LARP4B: variants seen among roughly 807,000 people sequenced by gnomAD.
LARP4B encodes La ribonucleoprotein 4B, also known as la-related protein 4B.
Under a neutral mutation model 89.8 loss-of-function variants are expected in LARP4B, and 12 were observed. The ratio of observed to expected loss-of-function variants is 0.13; its 90% CI spans 0.09 to 0.22. The LOEUF (loss-of-function observed/expected upper bound fraction) is 0.22, where lower values mean the gene tolerates loss of function less well. Ranked by LOEUF, LARP4B falls within the 10% of genes least tolerant of loss-of-function variation. LARP4B has a pLI of 1.00. For synonymous variants in LARP4B, 367 were observed against 363.3 expected, an observed-to-expected ratio of 1.01 and a Z score of -0.12; for missense variants, 757 against 947.7, an observed-to-expected ratio of 0.80 and a Z score of 2.64.
At chr10:860,833 C>T (rs1433019653) in intron 5 of LARP4B, among the ~76,000 whole-genome samples, 4 of 151,904 alleles carry the variant, frequency 2.6e-5, no homozygotes, top group South Asian at 4.2e-4. Context: ...AAAAAATCTA[C>T]GAAACGCAAA....
chr10:872,314 C>T (rs1377076285), intron 3 of LARP4B, among the ~76,000 whole-genome samples: 1 of 152,202 alleles, frequency 6.6e-6, no homozygotes, highest in African/African-American at 2.4e-5. Flanking sequence ...TGTCCCAAGG[C>T]GAGAGTTCTT....
chr10:878,330 A>C (rs1231153306), intron 3 of LARP4B, among the ~76,000 whole-genome samples: 1 of 152,210 alleles, frequency 6.6e-6, no homozygotes, highest in African/African-American at 2.4e-5. Flanking sequence ...ACCAGTGAGG[A>C]GTGACTGCAG....
rs566661836 is a variant in LARP4B, at chr10:861,703, C to T, written c.430+2040G>A. On this transcript the variant is annotated intron_variant, in intron 5 of 17. Transcript: ENST00000316157. The stretch of plus-strand genomic sequence containing the variant: ...TCAGGCAGATTTTCACAAGTTATTT[C>T]ACTGTTGATAACATTACCCATCTTC... Among the ~76,000 whole-genome samples the T allele has an allele frequency of 2.0e-5, 3 of 152,260 alleles. No homozygotes were observed. In the East Asian group the frequency reaches 5.8e-4, roughly 29 times the overall value.
At chr10:880,518 T>A (rs1588958088) in intron 3 of LARP4B, among the ~76,000 whole-genome samples, 1 of 152,080 alleles carries the variant, frequency 6.6e-6, no homozygotes, top group African/African-American at 2.4e-5. Flanking sequence ...AAACCCCATC[T>A]CTACGAAAAA....
chr10:821,282 G>T (rs987000414), intron 13 of LARP4B, among the ~76,000 whole-genome samples: 1 of 152,156 alleles, frequency 6.6e-6, no homozygotes, highest in South Asian at 2.1e-4. Flanking sequence ...CAAATACCGC[G>T]TCCCATCCCT....
Position 812,781 on chromosome 10 carries a change from A to G in LARP4B, c.*145T>C, listed in dbSNP as rs1346994408. The G allele has an allele frequency of 5.0e-6, 3 of 602,964 alleles. No individual in the cohort carries two copies. The highest frequency in any genetic ancestry group is 7.6e-6 in the Non-Finnish European group (3 of 397,160). 37.4% of individuals were successfully genotyped at this position (602,964 alleles called of 1,614,324 possible). A position where few individuals can be genotyped will look rare whatever the true frequency, so the allele number is the denominator to read the frequency against. On this transcript the variant is annotated 3_prime_UTR_variant, in exon 18 of 18. Transcript: ENST00000316157. ...TTTTTTTCAAGAGGGGGAGAATCCA[A>G]CTCACAGAAGAAAACCAACTTGAGG...
chr10:856,173 C>G (rs1834291533), intron 5 of LARP4B, among the ~76,000 whole-genome samples: 1 of 152,104 alleles, frequency 6.6e-6, no homozygotes, highest in South Asian at 2.1e-4. Flanking sequence ...CTTGATTACA[C>G]AAGAAATTTT....
intron 11 of LARP4B, among the ~76,000 whole-genome samples, chr10:826,422 C>T (rs1014423021): frequency 8.5e-5 from 13 of 152,162 alleles, no homozygotes; most frequent in African/African-American, 3.1e-4. Context: ...GTAAGTATGG[C>T]ATGCAAATAT....
upstream of LARP4B, among the ~76,000 whole-genome samples, chr10:932,277 G>A (rs1830657511): frequency 6.9e-6 from 1 of 144,656 alleles, no homozygotes; most frequent in African/African-American, 2.6e-5. Flanking sequence ...CCCACAGCTG[G>A]GATCAAGGTC....
At chr10:959,788 ATTCCCACCTCCTCG>A in the LARP4B span, among the ~76,000 whole-genome samples, 1 of 100,320 alleles carries the variant, frequency 1.0e-5, no homozygotes, top group East Asian at 2.9e-4. Context: ...CCTCCTCGTC[ATTCCCACCTCCTCG>A]TCATTCCCAC....
upstream of LARP4B, among the ~76,000 whole-genome samples, chr10:936,391 C>T (rs542972818): frequency 4.7e-4 from 72 of 152,110 alleles, no homozygotes; most frequent in South Asian, 0.012. Context: ...ACGAGAAGGA[C>T]ACAGGTGGGA....
chr10:833,143 A>G (rs1302918379), intron 8 of LARP4B, among the ~76,000 whole-genome samples: 1 of 151,888 alleles, frequency 6.6e-6, no homozygotes, highest in Non-Finnish European at 1.5e-5. Flanking sequence ...AAAACCCTAA[A>G]GAAAGGGGGT....
At chr10:884,631 T>G in intron 2 of LARP4B, 125 bp from the exon 3 acceptor site, 2 of 630,614 alleles carry the variant, frequency 3.2e-6, no homozygotes, top group Non-Finnish European at 5.5e-6. Context: ...GACAAATTCA[T>G]GAATTCATAA....
chr10:884,483 G>T lies in LARP4B; in HGVS notation c.105C>A (p.Thr35=), dbSNP rs1489243535. ...AHLMNGPISQ[T]TSQTSSIPPL... ...GTGGGATGGAACTTGTCTGAGAAGT[G>T]GTTTGAGATATAGGACCATTCATCT... The change falls in exon 3 of 18, where the codon ACC becomes ACA. Residue 35 remains threonine, a synonymous_variant. Transcript: ENST00000316157. 2 of 1,606,236 alleles carry T rather than the reference G, an allele frequency of 1.2e-6. No individual in the cohort carries two copies. Among genetic ancestry groups the T allele is most frequent in the African/African-American group, 2.7e-5 (2 of 74,748 alleles).
intron 1 of LARP4B, among the ~76,000 whole-genome samples, chr10:930,948 G>C (rs1199467925): frequency 6.7e-6 from 1 of 150,330 alleles, no homozygotes; most frequent in South Asian, 2.1e-4. Context: ...GCCTGGGGGC[G>C]CTCGCGGCCC....
In LARP4B at chr10:812,608, G is replaced by A. The variant is rs915307189; in HGVS notation, c.*318C>T. ...ACTCACTATATATAGCTTGCATTCAGAGCCACATGGAGGCTTAATAAAAAA... is the reference window on the plus strand; with the variant it reads ...ACTCACTATATATAGCTTGCATTCAAAGCCACATGGAGGCTTAATAAAAAA... On this transcript the variant is annotated 3_prime_UTR_variant, in exon 18 of 18. Transcript: ENST00000316157. 1 of 203,780 alleles carries A rather than the reference G, an allele frequency of 4.9e-6. No homozygotes were observed. The highest frequency in any genetic ancestry group is 9.6e-6 in the Non-Finnish European group (1 of 103,760). The allele number at this position is 203,780 out of a possible 1,614,324, so 12.6% of individuals were successfully genotyped here. A position where few individuals can be genotyped will look rare whatever the true frequency, so the allele number is the denominator to read the frequency against.
At chr10:838,438 A>G (rs11812721) in intron 7 of LARP4B, among the ~76,000 whole-genome samples, 1,798 of 152,336 alleles carry the variant, frequency 0.012, 34 homozygotes, top group African/African-American at 0.041. Context: ...AATGAACAAG[A>G]TTAAAAAATG....
At chr10:922,003 G>A (rs751825937) in intron 1 of LARP4B, among the ~76,000 whole-genome samples, 5 of 152,104 alleles carry the variant, frequency 3.3e-5, no homozygotes, top group Non-Finnish European at 5.9e-5. Context: ...CCAAGTCAGC[G>A]GTAACCAATC....
intron 3 of LARP4B, among the ~76,000 whole-genome samples, chr10:873,763 G>A (rs968150529): frequency 6.6e-6 from 1 of 152,228 alleles, no homozygotes; most frequent in Non-Finnish European, 1.5e-5. Flanking sequence ...ATTACTAATT[G>A]TGTCAGGTGT....
Sources: gnomAD v4.1 joint callset for allele counts (sites outside exome capture counted in the v4.1 genomes callset) on GRCh38, gnomAD v4.1.1 for gene constraint, MANE v1.5 for transcripts, NCBI Gene and HGNC (gene_info 2026-07-23, HGNC 2026-07-21) for gene names.